Variants in GSAP observed in about 807,000 individuals in gnomAD.
GSAP encodes gamma-secretase-activating protein.
A neutral mutation model predicts 131.7 loss-of-function variants in GSAP; 118 were observed. That is an observed-to-expected ratio of 0.90 (90% CI 0.77 to 1.04). The LOEUF is 1.04. Ranked by LOEUF, GSAP falls within the 50% of genes least tolerant of loss-of-function variation. The pLI is 0.00. For missense variants in GSAP, 1,019 were observed against 1,013.2 expected (o/e 1.01, Z -0.08); for synonymous variants, 381 against 363.4 (o/e 1.05, Z -0.55).
intron 1 of GSAP, among the ~76,000 whole-genome samples, chr7:77,412,792 A>ATT (rs1803513916): frequency 6.6e-6 from 1 of 152,050 alleles, no homozygotes; most frequent in African/African-American, 2.4e-5. Flanking sequence ...AAAAAAAAAA[A>ATT]AAATTAAATT....
chr7:77,371,880 T>C (rs1052355973), intron 12 of GSAP, among the ~76,000 whole-genome samples: 31 of 152,364 alleles, frequency 2.0e-4, no homozygotes, highest in South Asian at 8.3e-4. Flanking sequence ...AATAGTCACA[T>C]GGTGACAAAG....
At chr7:77,342,339 T>C (rs1173718578) in intron 19 of GSAP, among the ~76,000 whole-genome samples, 1 of 152,156 alleles carries the variant, frequency 6.6e-6, no homozygotes, top group Non-Finnish European at 1.5e-5. Flanking sequence ...CTGTTGTGGG[T>C]ATTGAAGGCC....
At chr7:77,351,568 G>A (rs1241407107) in intron 18 of GSAP, 28 of 985,508 alleles carry the variant, frequency 2.8e-5, no homozygotes, top group Non-Finnish European at 3.3e-5. Context: ...AAGCAACATG[G>A]CAAACCCCAA....
chr7:77,407,891 G>A (rs1426353180), intron 1 of GSAP, among the ~76,000 whole-genome samples: 1 of 152,164 alleles, frequency 6.6e-6, no homozygotes, highest in Non-Finnish European at 1.5e-5. Flanking sequence ...AATAAATTGT[G>A]TTATATCCAA....
At chr7:77,341,665 A>C (rs1235762413) in intron 19 of GSAP, among the ~76,000 whole-genome samples, 1 of 152,188 alleles carries the variant, frequency 6.6e-6, no homozygotes, top group Admixed American at 6.5e-5. Context: ...TAGACCCAGA[A>C]GGGCCAGAAG....
chr7:77,311,279 T>C lies in GSAP; in HGVS notation c.*79A>G. 1.2e-6 allele frequency: 1 copy of C among 866,208 alleles called. No individual in the cohort carries two copies. The highest frequency in any genetic ancestry group is 1.7e-5 in the African/African-American group (1 of 59,736). 53.7% of individuals were successfully genotyped at this position (866,208 alleles called of 1,614,324 possible). A position where few individuals can be genotyped will look rare whatever the true frequency, so the allele number is the denominator to read the frequency against. ...CTATTTTTGTTACCAATTTTAAATATTGTTAAAGAATTCTCAAAGGAGTAA... is the reference window on the plus strand; with the variant it reads ...CTATTTTTGTTACCAATTTTAAATACTGTTAAAGAATTCTCAAAGGAGTAA... On this transcript the variant is annotated 3_prime_UTR_variant, in exon 31 of 31. Coordinates refer to ENST00000257626, the MANE Select transcript of GSAP (RefSeq NM_017439.4).
At chr7:77,323,797 C>T in intron 23 of GSAP, 55 bp from the exon 24 acceptor site, 1 of 766,616 alleles carries the variant, frequency 1.3e-6, no homozygotes, top group Non-Finnish European at 2.2e-6. Context: ...ATACCTGCAA[C>T]TGGTTTGAAT....
chr7:77,402,607 A>AC (rs1801539617), intron 3 of GSAP, among the ~76,000 whole-genome samples: 1 of 143,656 alleles, frequency 7.0e-6, no homozygotes, highest in Non-Finnish European at 1.5e-5. Flanking sequence ...AAAAAAAAAA[A>AC]AAAAAAAAAG....
At chr7:77,393,674 CTTTT>C (rs773138759) in intron 5 of GSAP, among the ~76,000 whole-genome samples, 3 of 133,438 alleles carry the variant, frequency 2.2e-5, no homozygotes, top group African/African-American at 2.8e-5. Flanking sequence ...TATATACTTT[CTTTT>C]TTTTTTTTTT....
chr7:77,352,513 G>A (rs1372102622), intron 18 of GSAP, among the ~76,000 whole-genome samples: 1 of 152,202 alleles, frequency 6.6e-6, no homozygotes, highest in Non-Finnish European at 1.5e-5. Context: ...TACTGATCCT[G>A]AAGCTCTAGA....
chr7:77,334,692 C>T (rs879901496), intron 19 of GSAP, among the ~76,000 whole-genome samples: 3 of 151,256 alleles, frequency 2.0e-5, no homozygotes, highest in Non-Finnish European at 4.4e-5. Flanking sequence ...GGAACAACAG[C>T]ACCACAAAAT....
At chr7:77,370,329 T>C (rs548785003) in intron 12 of GSAP, among the ~76,000 whole-genome samples, 2 of 152,242 alleles carry the variant, frequency 1.3e-5, no homozygotes, top group African/African-American at 4.8e-5. Context: ...GGCATGGTGA[T>C]GTGTGCCTGT....
chr7:77,383,013 G>A (rs1219531330), intron 6 of GSAP, among the ~76,000 whole-genome samples: 3 of 151,904 alleles, frequency 2.0e-5, no homozygotes, highest in East Asian at 3.9e-4. Context: ...TGGCAAGACC[G>A]CATCTCTACA....
intron 17 of GSAP, 78 bp from the exon 18 acceptor site, chr7:77,353,104 A>C: frequency 1.3e-6 from 1 of 767,140 alleles, no homozygotes; most frequent in Non-Finnish European, 2.3e-6. Flanking sequence ...ATGCAACCAA[A>C]ACACGCAAAC....
chr7:77,314,170 C>T (rs796767425), intron 27 of GSAP, among the ~76,000 whole-genome samples, 200 bp downstream of exon 27: 3 of 152,286 alleles, frequency 2.0e-5, no homozygotes, highest in African/African-American at 7.2e-5. Flanking sequence ...ATTTGTGGGG[C>T]TCAGCACAAA....
rs779518585 is a variant in GSAP, at chr7:77,329,313, T to C, written c.1733+20A>G. ...AATGTCAACCATCTTACAGATATGA[T>C]AACCTCTGCTTTCACTTACTTTACT... On this transcript the variant is annotated intron_variant, in intron 21 of 30. Transcript: ENST00000257626. 16 of 1,388,578 alleles carry C rather than the reference T, an allele frequency of 1.2e-5. No homozygotes were observed. The South Asian group carries it at 1.8e-4, about 15-fold the overall frequency. The allele number at this position is 1,388,578 out of a possible 1,614,324, so 86.0% of individuals were successfully genotyped here.
chr7:77,330,766 A>C (rs1332217316), intron 19 of GSAP: 4 of 985,912 alleles, frequency 4.1e-6, no homozygotes, highest in Non-Finnish European at 1.2e-6. Flanking sequence ...GTTCACTAAG[A>C]GAAAGTTCAT....
At chr7:77,354,641 T>A (rs1391785749) in intron 16 of GSAP, among the ~76,000 whole-genome samples, 1 of 151,932 alleles carries the variant, frequency 6.6e-6, no homozygotes, top group Admixed American at 6.6e-5. Context: ...ATAATGTACA[T>A]TGTTATGTTT....
chr7:77,408,910 C>T (rs908118207), intron 1 of GSAP, among the ~76,000 whole-genome samples: 2 of 151,836 alleles, frequency 1.3e-5, no homozygotes, highest in African/African-American at 4.8e-5. Context: ...AGCTGGACAC[C>T]TGCACTGGAG....
Sources: allele counts gnomAD v4.1 joint callset (sites outside exome capture counted in the v4.1 genomes callset), GRCh38; gene constraint gnomAD v4.1.1; transcripts MANE v1.5; gene names NCBI Gene and HGNC (gene_info 2026-07-23, HGNC 2026-07-21).